ITPR1: variants seen among roughly 807,000 people sequenced by gnomAD.
ITPR1 encodes inositol 1,4,5-trisphosphate receptor type 1.
Under a neutral mutation model 318.4 loss-of-function variants are expected in ITPR1, and 96 were observed. The observed-to-expected ratio is 0.30, with a 90% CI of 0.26 to 0.36. The LOEUF (loss-of-function observed/expected upper bound fraction) is 0.36. ITPR1 is among the 10% of genes least tolerant of loss of function. The pLI, the probability that ITPR1 is intolerant of heterozygous loss-of-function variation, is 1.00. For missense variants in ITPR1, 2,440 were observed against 3,460.2 expected (o/e 0.71, Z 7.40); for synonymous variants, 1,312 against 1,289.9 (o/e 1.02, Z -0.37).
intron 37 of ITPR1, among the ~76,000 whole-genome samples, chr3:4,707,451 G>T (rs1183611604): frequency 6.6e-6 from 1 of 152,156 alleles, no homozygotes. Context: ...ACATCATGGC[G>T]GCTGTGTCCC....
chr3:4,588,257 C>A (rs2125063203), intron 4 of ITPR1, among the ~76,000 whole-genome samples: 1 of 152,268 alleles, frequency 6.6e-6, no homozygotes, highest in South Asian at 2.1e-4. Flanking sequence ...CTCTTCCTGA[C>A]CCTAGAGCTA....
intron 10 of ITPR1, among the ~76,000 whole-genome samples, chr3:4,646,413 A>G (rs1352301039): frequency 6.6e-6 from 1 of 152,246 alleles, no homozygotes; most frequent in Non-Finnish European, 1.5e-5. Context: ...TTCATGTAAG[A>G]GAATGGTGCA....
chr3:4,631,762 A>C (rs1282994404), intron 5 of ITPR1, among the ~76,000 whole-genome samples: 3 of 152,120 alleles, frequency 2.0e-5, no homozygotes, highest in African/African-American at 7.2e-5. Flanking sequence ...AAACCATGGA[A>C]AGCTGTGATT....
intron 44 of ITPR1, among the ~76,000 whole-genome samples, chr3:4,762,843 T>A (rs1302709400): frequency 6.6e-6 from 1 of 152,230 alleles, no homozygotes; most frequent in African/African-American, 2.4e-5. Flanking sequence ...GCTGGGTACA[T>A]ACCCAAAGGA....
intron 56 of ITPR1, 163 bp from the exon 57 acceptor site, chr3:4,812,979 C>T: frequency 3.1e-6 from 2 of 641,004 alleles, no homozygotes; most frequent in Admixed American, 4.9e-5. Context: ...ATCCAGATCA[C>T]CAAATGAAAG....
At chr3:4,838,772 T>TA (rs1339185356) in intron 61 of ITPR1, among the ~76,000 whole-genome samples, 1 of 152,254 alleles carries the variant, frequency 6.6e-6, no homozygotes, top group East Asian at 1.9e-4. Flanking sequence ...TCTTTGGGGG[T>TA]ATGTTTCAGT....
intron 4 of ITPR1, among the ~76,000 whole-genome samples, chr3:4,559,134 C>T (rs916501521): frequency 1.5e-4 from 22 of 151,320 alleles, no homozygotes; most frequent in African/African-American, 5.3e-4. Flanking sequence ...TTAACTACAG[C>T]ATGTGCAACT....
chr3:4,579,208 G>C (rs954889216), intron 4 of ITPR1, among the ~76,000 whole-genome samples: 1 of 152,126 alleles, frequency 6.6e-6, no homozygotes, highest in Non-Finnish European at 1.5e-5. Flanking sequence ...AAGATGTGTC[G>C]TTGTGATGAT....
chr3:4,539,609 A>G (rs759160040), intron 4 of ITPR1, among the ~76,000 whole-genome samples: 1 of 152,100 alleles, frequency 6.6e-6, no homozygotes, highest in Non-Finnish European at 1.5e-5. Flanking sequence ...CCCTCCCAAA[A>G]CTGAGGTTGG....
chr3:4,838,429 C>T (rs926480933), intron 61 of ITPR1, among the ~76,000 whole-genome samples: 2 of 151,462 alleles, frequency 1.3e-5, no homozygotes, highest in Non-Finnish European at 2.9e-5. Context: ...GCCCCCCCAA[C>T]CCCCCAGTGA....
At chr3:4,626,184 CTGTG>C (rs36079707) in intron 4 of ITPR1, among the ~76,000 whole-genome samples, 18 of 147,918 alleles carry the variant, frequency 1.2e-4, no homozygotes, top group African/African-American at 3.0e-4. Context: ...CCTAAACTTT[CTGTG>C]TGTGTGTGTG....
chr3:4,736,599 G>T (rs564037601), intron 44 of ITPR1, among the ~76,000 whole-genome samples: 1 of 152,234 alleles, frequency 6.6e-6, no homozygotes, highest in African/African-American at 2.4e-5. Flanking sequence ...TGAGGCACCT[G>T]GGCCAGTGGC....
chr3:4,668,678 G>C (rs1051665998), intron 18 of ITPR1, among the ~76,000 whole-genome samples: 1 of 152,090 alleles, frequency 6.6e-6, no homozygotes. Context: ...ATATTGGCCA[G>C]GCTGGTCTTG....
chr3:4,730,118 C>T (rs1198798968), intron 42 of ITPR1, among the ~76,000 whole-genome samples: 1 of 150,364 alleles, frequency 6.7e-6, no homozygotes, highest in Non-Finnish European at 1.5e-5. Flanking sequence ...TAGAGATTTG[C>T]ATAACTTTTA....
At chr3:4,709,336 A>G (rs953807182) in intron 37 of ITPR1, among the ~76,000 whole-genome samples, 3 of 152,248 alleles carry the variant, frequency 2.0e-5, no homozygotes, top group Non-Finnish European at 4.4e-5. Context: ...CTGAGTGATT[A>G]CATTCATCAC....
At chr3:4,757,763 A>G (rs969783366) in intron 44 of ITPR1, among the ~76,000 whole-genome samples, 1 of 152,212 alleles carries the variant, frequency 6.6e-6, no homozygotes. Flanking sequence ...GCAAATCGGA[A>G]ACGTTCAGTT....
rs536998993 is a variant in ITPR1, at chr3:4,800,436, C to T, written c.6943C>T (p.Pro2315Ser). Reference protein sequence around the residue: ...FKGVRGGTLEPHWSGLLWTAM... With the variant: ...FKGVRGGTLESHWSGLLWTAM... ...TTTTGTCCTTGCAGGAACCCTGGAG[C>T]CCCACTGGTCGGGACTCCTGTGGAC... is the stretch of plus-strand genomic sequence containing the variant. Residue 2315 changes from proline to serine, a missense_variant, in exon 54 of 62, where the codon CCC becomes TCC. By Grantham distance (74) the Pro-to-Ser change is moderately conservative (BLOSUM62 -1). Coordinates refer to ENST00000649015, the MANE Select transcript of ITPR1 (RefSeq NM_001378452.1). The T allele has an allele frequency of 1.2e-6, 2 of 1,613,568 alleles. No individual in the cohort carries two copies. Among genetic ancestry groups the T allele is most frequent in the African/African-American group, 1.3e-5 (1 of 75,016 alleles).
intron 2 of ITPR1, among the ~76,000 whole-genome samples, chr3:4,495,204 C>G (rs953889253): frequency 2.0e-5 from 3 of 148,904 alleles, no homozygotes; most frequent in African/African-American, 7.5e-5. Context: ...AACGGGTGCA[C>G]GTACATCACT....
chr3:4,528,928 C>G (rs2083196669), intron 4 of ITPR1, among the ~76,000 whole-genome samples: 1 of 152,216 alleles, frequency 6.6e-6, no homozygotes, highest in African/African-American at 2.4e-5. Flanking sequence ...GGGAACAAAA[C>G]TGTAATTTAA....
Sources: gnomAD v4.1 joint callset for allele counts (sites outside exome capture counted in the v4.1 genomes callset) on GRCh38, gnomAD v4.1.1 for gene constraint, MANE v1.5 for transcripts, NCBI Gene and HGNC (gene_info 2026-07-23, HGNC 2026-07-21) for gene names.